The following STAU1 variants were observed in gnomAD, a reference collection of about 807,000 sequenced individuals.
STAU1 encodes the protein staufen double-stranded RNA binding protein 1, also known as double-stranded RNA-binding protein Staufen homolog 1.
A neutral mutation model predicts 62.9 loss-of-function variants in STAU1; 13 were observed. The observed-to-expected ratio is 0.21, with a 90% confidence interval of 0.13 to 0.33. The LOEUF (loss-of-function observed/expected upper bound fraction) is 0.33. Among genes scored for constraint, STAU1 ranks in the 10% least tolerant of loss-of-function variants. The pLI, the probability that STAU1 is intolerant of heterozygous loss-of-function variation, is 1.00. For synonymous variants in STAU1, 269 were observed against 265.1 expected (o/e 1.01, Z -0.14); for missense variants, 571 against 712.1 (o/e 0.80, Z 2.25).
intron 2 of STAU1, among the ~76,000 whole-genome samples, chr20:49,171,297 T>C (rs2093593466): frequency 6.6e-6 from 1 of 152,198 alleles, no homozygotes; most frequent in Admixed American, 6.5e-5. Context: ...CAGTTATTTA[T>C]TTATTTATTT....
At chr20:49,166,624 G>A (rs1405650049) in intron 2 of STAU1, among the ~76,000 whole-genome samples, 3 of 152,128 alleles carry the variant, frequency 2.0e-5, no homozygotes. Context: ...AGTATGGAGA[G>A]GTTTCCATAG....
intron 3 of STAU1, among the ~76,000 whole-genome samples, chr20:49,155,615 T>C (rs900862809): frequency 2.6e-5 from 4 of 152,238 alleles, no homozygotes; most frequent in African/African-American, 4.8e-5. Context: ...TTCTGTACTA[T>C]AACTGGTTCA....
rs188692226 is a variant in STAU1, at chr20:49,121,422, A to C, written c.967-1294T>G. Among the ~76,000 whole-genome samples the C allele has an allele frequency of 3.2e-3, 482 of 152,178 alleles. 3 individuals are homozygous for C. Among genetic ancestry groups the C allele is most frequent in the African/African-American group, 0.011 (440 of 41,520 alleles). The stretch of plus-strand genomic sequence containing the variant: ...GTTGACTCCATTCCCCTCTACCCCA[A>C]AAAAAATGTATCTCAACCAGTATTC... On this transcript the variant is annotated intron_variant, in intron 8 of 13. Coordinates refer to ENST00000371856, the MANE Select transcript of STAU1 (RefSeq NM_017453.4).
chr20:49,203,796 C>T, the STAU1 span, among the ~76,000 whole-genome samples: 1 of 152,324 alleles, frequency 6.6e-6, no homozygotes, highest in East Asian at 1.9e-4. Context: ...AAGCAAATCC[C>T]CTGCTTCAGC....
At chr20:49,185,281 G>A (rs1362909056) in intron 1 of STAU1, among the ~76,000 whole-genome samples, 1 of 152,098 alleles carries the variant, frequency 6.6e-6, no homozygotes, top group Non-Finnish European at 1.5e-5. Flanking sequence ...TATTAAAGTG[G>A]GTTAAAAGGC....
rs918247088 is a variant in STAU1 at position 49,126,972 on chromosome 20, A to G, written c.610-2385T>C. Among the ~76,000 whole-genome samples, 5 of 152,326 alleles carry G rather than the reference A, an allele frequency of 3.3e-5. No homozygotes were observed. In the South Asian group the frequency reaches 6.2e-4, roughly 19 times the overall value. ...TCTAAACTAAAATTACAAAGACTTT[A>G]TAACAGGAGAAAGCCTCAAGACTGT... On this transcript the variant is annotated intron_variant, in intron 6 of 13. Transcript: ENST00000371856.
chr20:49,120,635 G>T (rs907129561), intron 8 of STAU1, among the ~76,000 whole-genome samples: 2 of 152,126 alleles, frequency 1.3e-5, no homozygotes, highest in Non-Finnish European at 2.9e-5. Context: ...AATAAAGCAG[G>T]TTAATCTTAA....
At chr20:49,119,881 G>T in intron 9 of STAU1, 101 bp downstream of exon 9, 2 of 1,400,850 alleles carry the variant, frequency 1.4e-6, no homozygotes, top group Non-Finnish European at 1.9e-6. Flanking sequence ...TGAACTGTCA[G>T]GCAGATAAAG....
upstream of STAU1, among the ~76,000 whole-genome samples, chr20:49,193,092 C>G (rs1305692364): frequency 6.6e-6 from 1 of 152,138 alleles, no homozygotes; most frequent in African/African-American, 2.4e-5. Context: ...AGTGGTATTT[C>G]AAGGCTGGGT....
chr20:49,217,787 C>T, the STAU1 span, among the ~76,000 whole-genome samples: 1 of 148,238 alleles, frequency 6.7e-6, no homozygotes, highest in Non-Finnish European at 1.5e-5. Context: ...GTGGAGGCTG[C>T]AGTAAGCCGA....
At position 49,117,807 on chromosome 20, in the gene STAU1, C is replaced by T. The variant is rs1443457065; in HGVS notation, c.1479G>A (p.Leu493=). 1.2e-6 allele frequency: 2 copies of T among 1,613,480 alleles called. No homozygotes were observed. Among genetic ancestry groups the T allele is most frequent in the South Asian group, 1.1e-5 (1 of 91,060 alleles). The change falls in exon 11 of 14, where the codon CTG becomes CTA. Residue 493 remains leucine (L), a synonymous_variant. Transcript: ENST00000371856. The surrounding 1 kb of genome is among the most constrained non-coding windows in gnomAD (Gnocchi z 4.6). ...HGPLTRPSEQ[L]DYLSRVQGFQ... ...ATCCCTGGACTCTGGAAAGATAGTC[C>T]AGTTGCTCAGAGGGTCTCGTGAGAG...
At chr20:49,217,325 A>T in the STAU1 span, among the ~76,000 whole-genome samples, 1 of 152,094 alleles carries the variant, frequency 6.6e-6, no homozygotes, top group Non-Finnish European at 1.5e-5. Context: ...AAGGAACTTG[A>T]TGGCAAAGTA....
At chr20:49,208,918 G>A in the STAU1 span, among the ~76,000 whole-genome samples, 286 of 151,678 alleles carry the variant, frequency 1.9e-3, 2 homozygotes, top group African/African-American at 6.1e-3. Flanking sequence ...CACTGCGCCC[G>A]GCCGATCCTG....
At chr20:49,196,444 CAA>C in the STAU1 span, among the ~76,000 whole-genome samples, 177 of 91,514 alleles carry the variant, frequency 1.9e-3, no homozygotes, top group African/African-American at 4.6e-3. Context: ...CAAAACAAAA[CAA>C]AAAAAAAAAA....
At chr20:49,115,963 G>T in intron 12 of STAU1, 96 bp from the exon 13 acceptor site, 2 of 956,352 alleles carry the variant, frequency 2.1e-6, no homozygotes, top group South Asian at 1.5e-5. Context: ...CTGCTGCCCA[G>T]CAAACAGGTG....
At chr20:49,213,128 C>G in the STAU1 span, among the ~76,000 whole-genome samples, 1 of 152,066 alleles carries the variant, frequency 6.6e-6, no homozygotes, top group Admixed American at 6.6e-5. Context: ...GCCTCAGACT[C>G]CTGAGTAGCT....
the STAU1 span, among the ~76,000 whole-genome samples, chr20:49,212,950 G>A: frequency 2.0e-5 from 3 of 151,896 alleles, no homozygotes; most frequent in East Asian, 3.9e-4. Context: ...CCCAATGTGG[G>A]AGCAACCATT....
the STAU1 span, among the ~76,000 whole-genome samples, chr20:49,202,839 G>C: frequency 2.0e-5 from 3 of 151,978 alleles, no homozygotes; most frequent in Admixed American, 6.6e-5. Flanking sequence ...CCAGGAGTTT[G>C]AGACCAGCCT....
chr20:49,134,774 G>A, intron 6 of STAU1: 1 of 1,183,452 alleles, frequency 8.4e-7, no homozygotes, highest in Non-Finnish European at 1.3e-6. Flanking sequence ...GTATACACTG[G>A]GAATCATTAG....
Sources: allele counts gnomAD v4.1 joint callset (sites outside exome capture counted in the v4.1 genomes callset), GRCh38; gene constraint gnomAD v4.1.1; non-coding constraint Gnocchi (gnomAD v3.1); transcripts MANE v1.5; gene names NCBI Gene and HGNC (gene_info 2026-07-23, HGNC 2026-07-21).